Variants in USP13 observed in about 807,000 individuals in gnomAD.
USP13 encodes ubiquitin carboxyl-terminal hydrolase 13.
Under a neutral mutation model 107.8 loss-of-function variants are expected in USP13, and 68 were observed. That is an observed-to-expected ratio of 0.63 (90% CI 0.52 to 0.77). USP13 has a LOEUF of 0.77. Among genes scored for constraint, USP13 ranks in the 30% least tolerant of loss-of-function variants. The pLI is 0.00. For missense variants in USP13, 945 were observed against 1,093.3 expected, an observed-to-expected ratio of 0.86 and a Z score of 1.91; for synonymous variants, 377 against 389.5, an observed-to-expected ratio of 0.97 and a Z score of 0.38.
chr3:179,668,927 C>T (rs530521375), intron 1 of USP13, among the ~76,000 whole-genome samples: 5 of 152,306 alleles, frequency 3.3e-5, no homozygotes, highest in African/African-American at 1.2e-4. Flanking sequence ...CGAGAATATA[C>T]TGGAGATCTG....
Position 179,721,425 on chromosome 3 carries a change from T to C in USP13, c.924T>C (p.Asn308=). ...MHGTENGLQD[N]DIKLRVSEWE... ...AGACAGAGAATGGGCTCCAGGACAA[T>C]GACATCAAGCTGAGGGTCAGTGAGT... The change falls in exon 8 of 21, where the codon AAT becomes AAC. Residue 308 remains asparagine, a synonymous_variant. Coordinates refer to ENST00000263966, the MANE Select transcript of USP13 (RefSeq NM_003940.3). The surrounding 1 kb of genome is among the most constrained non-coding windows in gnomAD (Gnocchi z 4.3). 6 of 1,614,028 alleles carry C rather than the reference T, an allele frequency of 3.7e-6. No individual in the cohort carries two copies. The highest frequency in any genetic ancestry group is 5.1e-6 in the Non-Finnish European group (6 of 1,179,972).
At chr3:179,673,086 A>C (rs944269989) in intron 1 of USP13, among the ~76,000 whole-genome samples, 1 of 152,146 alleles carries the variant, frequency 6.6e-6, no homozygotes, top group East Asian at 1.9e-4. Context: ...GGCTGCTAAG[A>C]GTGACTTCAG....
At chr3:179,765,003 C>A (rs976980404) in intron 18 of USP13, among the ~76,000 whole-genome samples, 1 of 152,160 alleles carries the variant, frequency 6.6e-6, no homozygotes, top group African/African-American at 2.4e-5. Flanking sequence ...GTGCTCCACT[C>A]ATTTTATTTG....
intron 8 of USP13, among the ~76,000 whole-genome samples, chr3:179,728,583 G>A (rs1176772836): frequency 4.6e-5 from 7 of 151,664 alleles, no homozygotes; most frequent in African/African-American, 1.7e-4. Context: ...ACGGGGTGGC[G>A]GCCGGGCAGA....
chr3:179,710,311 C>G (rs1361813533), intron 6 of USP13, among the ~76,000 whole-genome samples: 1 of 152,150 alleles, frequency 6.6e-6, no homozygotes, highest in Non-Finnish European at 1.5e-5. Flanking sequence ...AGCCCTTCTC[C>G]TTGTCCTTTT....
rs1163369969 is a variant in USP13, at chr3:179,784,141, A to G, written c.2592A>G (p.Ter864=). ...ACTTTTACCGCAGGATACCAAGCTA[A>G]ACCTCAAATATAAAAATTGGCGAAA... ...YMYFYRRIPS[*] is the part of the protein sequence containing the mutation. Residue 864 remains the stop codon, a stop_retained_variant, in exon 21 of 21, where the codon TAA becomes TAG. Coordinates refer to ENST00000263966, the MANE Select transcript of USP13 (RefSeq NM_003940.3). The G allele has an allele frequency of 6.3e-7, 1 of 1,597,426 alleles. No individual in the cohort carries two copies. Among genetic ancestry groups the G allele is most frequent in the African/African-American group, 1.4e-5 (1 of 73,676 alleles).
rs1202522616 is a variant in USP13, at chr3:179,707,194, A to G, written c.620+118A>G. On this transcript the variant is annotated intron_variant, in intron 5 of 20. Transcript: ENST00000263966. Reference sequence around the variant, plus strand: ...TTTTTCTTACCAGATGCCTTTTATTAAAAGTAAATATAAAACTTCTCTAAA... The same window carrying G: ...TTTTTCTTACCAGATGCCTTTTATTGAAAGTAAATATAAAACTTCTCTAAA... 3.1e-6 allele frequency: 4 copies of G among 1,294,954 alleles called. No individual in the cohort carries two copies. In the East Asian group the frequency reaches 7.7e-5, roughly 25 times the overall value. The allele number at this position is 1,294,954 out of a possible 1,614,324, so 80.2% of individuals were successfully genotyped here. A position where few individuals can be genotyped will look rare whatever the true frequency, so the allele number is the denominator to read the frequency against.
intron 10 of USP13, among the ~76,000 whole-genome samples, chr3:179,732,563 G>A (rs933879334): frequency 1.3e-5 from 2 of 152,108 alleles, no homozygotes; most frequent in African/African-American, 2.4e-5. Flanking sequence ...CTAGGTGGTG[G>A]TGGTGAATGT....
chr3:179,741,011 C>T (rs549563696), intron 11 of USP13, among the ~76,000 whole-genome samples: 23 of 151,886 alleles, frequency 1.5e-4, no homozygotes, highest in East Asian at 9.7e-4. Flanking sequence ...GTGATCCACC[C>T]GCCTCGGCCT....
chr3:179,766,086 T>C (rs1715167117), intron 19 of USP13, among the ~76,000 whole-genome samples: 3 of 152,028 alleles, frequency 2.0e-5, no homozygotes, highest in Admixed American at 2.0e-4. Context: ...TTCAAGCCAT[T>C]CTCCTGCTTC....
intron 10 of USP13, among the ~76,000 whole-genome samples, chr3:179,732,591 C>T (rs1450804842): frequency 6.6e-6 from 1 of 152,072 alleles, no homozygotes; most frequent in Non-Finnish European, 1.5e-5. Flanking sequence ...CCAGGAGTCC[C>T]CTTTCTAATG....
At position 179,782,321 on chromosome 3, in the gene USP13, G is replaced by A. The variant is rs147184547; in HGVS notation, c.2498+498G>A. ...CTTATTGCTTACCTGATACTCAGAT[G>A]TAACTGGGTAACCTGTGTTTTATCT... On this transcript the variant is annotated intron_variant, in intron 20 of 20. Transcript: ENST00000263966. 3.4e-4 allele frequency among the ~76,000 whole-genome samples: 52 copies of A among 152,308 alleles called. 2 individuals carry two copies. The East Asian group carries it at 9.8e-3, about 29-fold the overall frequency.
At chr3:179,706,338 C>T (rs1490392236) in intron 4 of USP13, among the ~76,000 whole-genome samples, 1 of 152,164 alleles carries the variant, frequency 6.6e-6, no homozygotes, top group Non-Finnish European at 1.5e-5. Flanking sequence ...TGTTTTCCTC[C>T]TCCCCTGTGG....
chr3:179,776,590 G>T (rs1390904155), intron 19 of USP13, among the ~76,000 whole-genome samples: 1 of 148,674 alleles, frequency 6.7e-6, no homozygotes, highest in Admixed American at 6.6e-5. Flanking sequence ...GTTAGTTTCA[G>T]ACACAGTTTA....
At chr3:179,726,289 G>A (rs990323564) in intron 8 of USP13, among the ~76,000 whole-genome samples, 2 of 152,184 alleles carry the variant, frequency 1.3e-5, no homozygotes, top group Non-Finnish European at 2.9e-5. Flanking sequence ...AGGGACAAGT[G>A]GGGATGTTGT....
At chr3:179,783,960 G>A in intron 20 of USP13, 88 bp from the exon 21 acceptor site, 1 of 1,020,256 alleles carries the variant, frequency 9.8e-7, no homozygotes, top group Admixed American at 2.1e-5. Context: ...ATGGTTAAGT[G>A]TTGTGCGCCA....
At chr3:179,772,253 A>G (rs1474532372) in intron 19 of USP13, among the ~76,000 whole-genome samples, 2 of 152,256 alleles carry the variant, frequency 1.3e-5, no homozygotes, top group African/African-American at 2.4e-5. Flanking sequence ...ACTCTGACCT[A>G]TCGGGGCTTC....
intron 1 of USP13, among the ~76,000 whole-genome samples, chr3:179,654,861 A>G (rs895029504): frequency 6.6e-6 from 1 of 152,158 alleles, no homozygotes; most frequent in Non-Finnish European, 1.5e-5. Context: ...TCTCTGTGAC[A>G]TTTAGTTTTT....
rs1055407190 is a variant in USP13 at position 179,713,875 on chromosome 3, C to T, written c.805+4918C>T. On this transcript the variant is annotated intron_variant, in intron 6 of 20. Transcript: ENST00000263966. ...GTCTAATGAGACACTGCTACTCATC[C>T]TTGAGGTCTCAACTTAGATTTAGTT... is the stretch of plus-strand genomic sequence containing the variant. Among the ~76,000 whole-genome samples the T allele has an allele frequency of 4.4e-4, 67 of 152,282 alleles. 1 individual carries two copies. Among genetic ancestry groups the T allele is most frequent in the Non-Finnish European group, 7.5e-4 (51 of 68,016 alleles).
Sources: allele counts gnomAD v4.1 joint callset (sites outside exome capture counted in the v4.1 genomes callset), GRCh38; gene constraint gnomAD v4.1.1; non-coding constraint Gnocchi (gnomAD v3.1); transcripts MANE v1.5; gene names NCBI Gene and HGNC (gene_info 2026-07-23, HGNC 2026-07-21).